The following COL4A1 variants were observed in gnomAD, a reference collection of about 807,000 sequenced individuals.
COL4A1 encodes the protein collagen type IV alpha 1 chain.
A neutral mutation model predicts 216.6 loss-of-function variants in COL4A1; 40 were observed. The ratio of observed to expected loss-of-function variants is 0.18; its 90% CI spans 0.14 to 0.24. The LOEUF (loss-of-function observed/expected upper bound fraction) is 0.24, where lower values mean the gene tolerates loss of function less well. Among genes scored for constraint, COL4A1 ranks in the 10% least tolerant of loss-of-function variants. The pLI is 1.00. For synonymous variants in COL4A1, 839 were observed against 810.7 expected (o/e 1.03, Z -0.59); for missense variants, 1,628 against 2,196.8 (o/e 0.74, Z 5.18).
chr13:110,274,165 T>A (rs1450455240), intron 1 of COL4A1, among the ~76,000 whole-genome samples: 1 of 152,220 alleles, frequency 6.6e-6, no homozygotes, highest in African/African-American at 2.4e-5. Context: ...CAATACCTAA[T>A]GAGGAGACAG....
At chr13:110,192,433 A>C (rs891779792) in intron 23 of COL4A1, 149 bp from the exon 24 acceptor site, 3 of 817,194 alleles carry the variant, frequency 3.7e-6, no homozygotes, top group Admixed American at 2.0e-5. Flanking sequence ...TAAAATGCCC[A>C]AGACGGACTC....
chr13:110,267,909 G>A (rs1367105902), intron 1 of COL4A1, among the ~76,000 whole-genome samples: 1 of 151,948 alleles, frequency 6.6e-6, no homozygotes, highest in Non-Finnish European at 1.5e-5. Context: ...AAAATATGTA[G>A]GTCAGGATTT....
chr13:110,192,377 T>C, intron 23 of COL4A1, 93 bp from the exon 24 acceptor site: 1 of 1,145,218 alleles, frequency 8.7e-7, no homozygotes, highest in East Asian at 2.4e-5. Flanking sequence ...TAAAAATCTG[T>C]ATAGGAAGTG....
Position 110,187,182 on chromosome 13 carries a change from C to T in COL4A1, c.1684G>A (p.Gly562Arg). ...GGAAGACCCGGATGGCCATCTCTTC[C>T]AGGAGAACCCGCTCTCCCTGGCATG... ...PGMPGRAGSP[G>R]RDGHPGLPGP... The change falls in exon 25 of 52, where the codon GGA becomes AGA. Residue 562 changes from glycine to arginine, a missense_variant. Physicochemically the swap from Gly to Arg is moderately radical, Grantham distance 125. This residue lies in a region of COL4A1 where 701 missense variants were observed against 892.5 expected (regional missense o/e 0.79). Transcript: ENST00000375820. 1 of 1,614,002 alleles carries T rather than the reference C, an allele frequency of 6.2e-7. No individual in the cohort carries two copies. The highest frequency in any genetic ancestry group is 8.5e-7 in the Non-Finnish European group (1 of 1,179,930).
intron 2 of COL4A1, among the ~76,000 whole-genome samples, chr13:110,216,447 T>C (rs1013079750): frequency 6.6e-6 from 1 of 152,202 alleles, no homozygotes; most frequent in Non-Finnish European, 1.5e-5. Flanking sequence ...TGGACTTGTG[T>C]AGCCCCAAGT....
chr13:110,250,085 A>T (rs1882005564), intron 1 of COL4A1, among the ~76,000 whole-genome samples: 2 of 152,112 alleles, frequency 1.3e-5, no homozygotes, highest in Non-Finnish European at 2.9e-5. Context: ...AAATAAAATA[A>T]TATTTCTGTT....
At position 110,150,411 on chromosome 13, in the gene COL4A1, C is replaced by T. The variant is rs761078948; in HGVS notation, c.4962G>A (p.Glu1654=). ...KPTPSTLKAG[E]LRTHVSRCQV... ...GGCAGCGGCTGACGTGCGTGCGCAGCTCCCCTGCCTTCAAGGTGGACGGCG... is the reference window on the plus strand; with the variant it reads ...GGCAGCGGCTGACGTGCGTGCGCAGTTCCCCTGCCTTCAAGGTGGACGGCG... Residue 1654 remains glutamate (E), a synonymous_variant, in exon 52 of 52, where the codon GAG becomes GAA. Transcript: ENST00000375820. 1 of 1,614,080 alleles carries T rather than the reference C, an allele frequency of 6.2e-7. No individual in the cohort carries two copies. Among genetic ancestry groups the T allele is most frequent in the South Asian group, 1.1e-5 (1 of 91,072 alleles).
At position 110,163,404 on chromosome 13, in the gene COL4A1, C is replaced by T. The variant is rs538113369; in HGVS notation, c.4249+59G>A. On this transcript the variant is annotated intron_variant, in intron 47 of 51. Coordinates refer to ENST00000375820, the MANE Select transcript of COL4A1 (RefSeq NM_001845.6). The stretch of plus-strand genomic sequence containing the variant: ...TGCTGTTTCCCCATGCCTGGTTCTG[C>T]TCCTTCTATCCCAAAGATCCTGGTC... 1.5e-5 allele frequency: 22 copies of T among 1,487,216 alleles called. No homozygotes were observed. The African/African-American group carries it at 3.0e-4, about 21-fold the overall frequency. The allele number at this position is 1,487,216 out of a possible 1,614,324, so 92.1% of individuals were successfully genotyped here.
chr13:110,284,728 C>A (rs9588132), intron 1 of COL4A1, among the ~76,000 whole-genome samples: 27,864 of 152,154 alleles, frequency 0.18, 3,117 homozygotes, highest in African/African-American at 0.32. Flanking sequence ...AAGAGAGGCT[C>A]GAATGGGCTT....
rs751251728 is a variant in COL4A1, at chr13:110,162,216, T to C, written c.4462+14A>G. The C allele has an allele frequency of 8.7e-6, 14 of 1,611,198 alleles. No individual in the cohort carries two copies. The highest frequency in any genetic ancestry group is 3.3e-5 in the Admixed American group (2 of 60,008). ...CCTACACTGAATGAATGCATGGATC[T>C]GCAGGCTTCTTACCCAAGTCCTGGC... On this transcript the variant is annotated intron_variant, in intron 48 of 51. Transcript: ENST00000375820.
intron 2 of COL4A1, among the ~76,000 whole-genome samples, chr13:110,219,630 G>A (rs1880272454): frequency 7.2e-6 from 1 of 139,144 alleles, no homozygotes; most frequent in South Asian, 2.3e-4. Flanking sequence ...GTCCCAATAA[G>A]CCCATTGTAA....
intron 2 of COL4A1, among the ~76,000 whole-genome samples, chr13:110,220,887 A>G (rs1476912198): frequency 6.6e-6 from 1 of 152,208 alleles, no homozygotes; most frequent in Non-Finnish European, 1.5e-5. Flanking sequence ...CTGGACTACA[A>G]CTTTTATACT....
intron 1 of COL4A1, among the ~76,000 whole-genome samples, chr13:110,282,540 C>T (rs1266690717): frequency 6.6e-6 from 1 of 152,220 alleles, no homozygotes; most frequent in East Asian, 1.9e-4. Context: ...GGTTTCAACT[C>T]AAGTGTCAAT....
chr13:110,178,911 C>T lies in COL4A1; in HGVS notation c.2458+12G>A. The T allele has an allele frequency of 6.3e-7, 1 of 1,589,666 alleles. No homozygotes were observed. Among genetic ancestry groups the T allele is most frequent in the Non-Finnish European group, 8.6e-7 (1 of 1,160,716 alleles). ...TTTTGGGAACAGATAATTCTAGAAG[C>T]ATGTCACTCACCTGACAACCCCGGT... On this transcript the variant is annotated intron_variant, in intron 31 of 51. Coordinates refer to ENST00000375820, the MANE Select transcript of COL4A1 (RefSeq NM_001845.6).
Position 110,263,405 on chromosome 13 carries a change from C to A in COL4A1, c.85-20671G>T, listed in dbSNP as rs143179529. 6.0e-4 allele frequency among the ~76,000 whole-genome samples: 91 copies of A among 152,318 alleles called. 1 individual carries two copies. The East Asian group carries it at 0.016, about 26-fold the overall frequency. ...TGAGCCCCACCACGCCCTTACAGAC[C>A]CACTTTGAAAGATGCATTAAAATGA... On this transcript the variant is annotated intron_variant, in intron 1 of 51. Transcript: ENST00000375820.
At chr13:110,296,073 C>T (rs1273046162) in intron 1 of COL4A1, among the ~76,000 whole-genome samples, 1 of 152,236 alleles carries the variant, frequency 6.6e-6, no homozygotes, top group Non-Finnish European at 1.5e-5. Context: ...TTGCACTCTG[C>T]CCTATTAAAC....
In COL4A1 at chr13:110,212,446, G is replaced by C. The variant is rs1879851744; in HGVS notation, c.358C>G (p.Pro120Ala). 61 of 1,613,918 alleles carry C rather than the reference G, an allele frequency of 3.8e-5. No homozygotes were observed. The highest frequency in any genetic ancestry group is 4.9e-5 in the Non-Finnish European group (58 of 1,180,038). The change falls in exon 6 of 52, where the codon CCA (proline) becomes GCA (alanine). Residue 120 changes from proline to alanine, a missense_variant. Pro to Ala is a conservative substitution (Grantham distance 27). Around this residue, in one of 8 missense-constraint regions of COL4A1, gnomAD observed 150 missense variants for 211.9 expected, o/e 0.71. Coordinates refer to ENST00000375820, the MANE Select transcript of COL4A1 (RefSeq NM_001845.6). ...GTGCCATTGCATCCTGGAATACCTG[G>C]GGGGCCTGGCGGGCCGTCTTGGCCA... ...IPGQDGPPGPPGIPGCNGTKG... is the reference protein window; with the variant it reads ...IPGQDGPPGPAGIPGCNGTKG...
intron 2 of COL4A1, among the ~76,000 whole-genome samples, chr13:110,230,334 G>C (rs1360854844): frequency 6.6e-6 from 1 of 152,000 alleles, no homozygotes; most frequent in Admixed American, 6.6e-5. Flanking sequence ...GCATGCACGT[G>C]ATGTGTGCAT....
intron 21 of COL4A1, among the ~76,000 whole-genome samples, chr13:110,197,295 T>A (rs1357345808): frequency 6.7e-6 from 1 of 149,296 alleles, no homozygotes; most frequent in African/African-American, 2.5e-5. Flanking sequence ...GAGAATTCCC[T>A]TGTCTTGGGT....
Sources: allele counts gnomAD v4.1 joint callset (sites outside exome capture counted in the v4.1 genomes callset), GRCh38; gene constraint gnomAD v4.1.1; regional missense constraint gnomAD v4.1.1; transcripts MANE v1.5; gene names NCBI Gene and HGNC (gene_info 2026-07-23, HGNC 2026-07-21).